The following MEOX2 variants were observed in gnomAD, a reference collection of about 807,000 sequenced individuals.
MEOX2 encodes the protein mesenchyme homeobox 2, also known as homeobox protein MOX-2.
A neutral mutation model predicts 27.0 loss-of-function variants in MEOX2; 11 were observed. The ratio of observed to expected loss-of-function variants is 0.41; its 90% confidence interval spans 0.26 to 0.68. The LOEUF is 0.68. Ranked by LOEUF, MEOX2 falls within the 30% of genes least tolerant of loss-of-function variation. MEOX2 has a pLI of 0.33. For synonymous variants in MEOX2, 189 were observed against 155.4 expected, an observed-to-expected ratio of 1.22 and a Z score of -1.61; for missense variants, 436 against 385.4, an observed-to-expected ratio of 1.13 and a Z score of -1.10.
intron 1 of MEOX2, among the ~76,000 whole-genome samples, chr7:15,668,971 A>G (rs1288825169): frequency 2.0e-5 from 3 of 152,202 alleles, no homozygotes. Flanking sequence ...TTAAAACATC[A>G]TCTCTTACCT....
intron 1 of MEOX2, chr7:15,680,723 T>A (rs1328574307): frequency 6.6e-6 from 1 of 151,940 alleles, no homozygotes; most frequent in Non-Finnish European, 1.5e-5. Context: ...TATTAACATC[T>A]AAAGCACATG....
chr7:15,683,252 G>C (rs1182723216), intron 1 of MEOX2, among the ~76,000 whole-genome samples: 1 of 151,970 alleles, frequency 6.6e-6, no homozygotes, highest in Non-Finnish European at 1.5e-5. Context: ...CTAAGTATTA[G>C]ATGCAGGGAT....
chr7:15,658,476 T>G (rs1781860130), intron 1 of MEOX2, among the ~76,000 whole-genome samples: 1 of 152,170 alleles, frequency 6.6e-6, no homozygotes, highest in Non-Finnish European at 1.5e-5. Flanking sequence ...ATTTTTTGTG[T>G]GTATATATTG....
intron 1 of MEOX2, among the ~76,000 whole-genome samples, chr7:15,627,561 G>A (rs906765611): frequency 6.6e-6 from 1 of 151,880 alleles, no homozygotes; most frequent in Non-Finnish European, 1.5e-5. Context: ...GTTTTTAAAT[G>A]TGTTTTTCAT....
rs776021075 is a variant in MEOX2, at chr7:15,686,365, T to A, written c.38A>T (p.His13Leu). 3 of 1,589,492 alleles carry A rather than the reference T, an allele frequency of 1.9e-6. No individual in the cohort carries two copies. The African/African-American group carries it at 4.0e-5, about 21-fold the overall frequency. The change falls in exon 1 of 3, where the codon CAC (histidine) becomes CTC (leucine). Residue 13 changes from histidine (H) to leucine (L), a missense_variant. Transcript: ENST00000262041. ...CGGGTGCAAGCCTTGCGCCGTGGCG[T>A]GAGGGCTGCGCAGGCAGCCAAAGAG... ...HPLFGCLRSP[H>L]ATAQGLHPFS...
intron 2 of MEOX2, among the ~76,000 whole-genome samples, chr7:15,618,822 C>T (rs1164650590): frequency 6.6e-6 from 1 of 151,658 alleles, no homozygotes; most frequent in East Asian, 1.9e-4. Flanking sequence ...ATTATATAAA[C>T]TTATAAAATT....
At chr7:15,647,486 C>A (rs2115374697) in intron 1 of MEOX2, among the ~76,000 whole-genome samples, 1 of 152,158 alleles carries the variant, frequency 6.6e-6, no homozygotes, top group South Asian at 2.1e-4. Context: ...GGTTCAATTT[C>A]TTTGTCTTCT....
intron 1 of MEOX2, among the ~76,000 whole-genome samples, chr7:15,667,033 T>A (rs937389554): frequency 4.6e-5 from 7 of 150,702 alleles, no homozygotes; most frequent in African/African-American, 1.7e-4. Flanking sequence ...GGCTCACACC[T>A]GTAATCCCAG....
At chr7:15,652,944 G>A (rs1331879336) in intron 1 of MEOX2, among the ~76,000 whole-genome samples, 1 of 151,966 alleles carries the variant, frequency 6.6e-6, no homozygotes, top group Non-Finnish European at 1.5e-5. Flanking sequence ...GGATATTCAT[G>A]CACAGATATT....
chr7:15,681,189 G>A (rs1782286874), intron 1 of MEOX2: 1 of 151,730 alleles, frequency 6.6e-6, no homozygotes, highest in African/African-American at 2.4e-5. Context: ...AGCAGTGCTT[G>A]GAAAAGAGAT....
At chr7:15,676,291 G>T (rs1047553697) in intron 1 of MEOX2, 3 of 152,104 alleles carry the variant, frequency 2.0e-5, no homozygotes, top group African/African-American at 7.2e-5. Flanking sequence ...ATAAAATTCT[G>T]TTCATGCATT....
At position 15,627,060 on chromosome 7, in the gene MEOX2, A is replaced by G. The variant is rs565566970; in HGVS notation, c.518-142T>C. Reference sequence around the variant, plus strand: ...ATAGAGACCAAAGACAGCAAGACTGACGGCAGCTCAACGGGGGGAGATATA... The same window carrying G: ...ATAGAGACCAAAGACAGCAAGACTGGCGGCAGCTCAACGGGGGGAGATATA... On this transcript the variant is annotated intron_variant, in intron 1 of 2. Coordinates refer to ENST00000262041, the MANE Select transcript of MEOX2 (RefSeq NM_005924.5). The G allele has an allele frequency of 2.5e-5, 17 of 670,464 alleles. No individual in the cohort carries two copies. In the Admixed American group the frequency reaches 2.6e-4, roughly 10 times the overall value. The allele number at this position is 670,464 out of a possible 1,614,324, so 41.5% of individuals were successfully genotyped here.
At chr7:15,665,566 G>T (rs548958776) in intron 1 of MEOX2, among the ~76,000 whole-genome samples, 1 of 152,196 alleles carries the variant, frequency 6.6e-6, no homozygotes, top group African/African-American at 2.4e-5. Context: ...ACTCCAGAAT[G>T]GTCCAAATTA....
intron 2 of MEOX2, among the ~76,000 whole-genome samples, chr7:15,612,999 A>G (rs556637512): frequency 1.3e-5 from 2 of 152,356 alleles, no homozygotes; most frequent in Non-Finnish European, 2.9e-5. Context: ...TTTGACATCC[A>G]GCTGTCATTT....
chr7:15,614,317 G>C (rs1200822460), intron 2 of MEOX2, among the ~76,000 whole-genome samples: 1 of 152,054 alleles, frequency 6.6e-6, no homozygotes, highest in Admixed American at 6.6e-5. Flanking sequence ...AGGAGGCTAG[G>C]GTTGGAGGAT....
At chr7:15,637,834 A>G (rs966437891) in intron 1 of MEOX2, among the ~76,000 whole-genome samples, 8 of 152,000 alleles carry the variant, frequency 5.3e-5, no homozygotes, top group African/African-American at 1.7e-4. Context: ...CAGATTCCCC[A>G]TCTAAGAATC....
At chr7:15,650,793 T>A (rs1781721956) in intron 1 of MEOX2, among the ~76,000 whole-genome samples, 1 of 152,068 alleles carries the variant, frequency 6.6e-6, no homozygotes, top group Admixed American at 6.6e-5. Context: ...GAGTTGCTAT[T>A]AGCATGGAGG....
intron 1 of MEOX2, among the ~76,000 whole-genome samples, chr7:15,664,350 C>T (rs1202890054): frequency 2.0e-5 from 3 of 152,058 alleles, no homozygotes; most frequent in African/African-American, 4.8e-5. Context: ...TCTTACCTGA[C>T]CTTGTATTTC....
intron 2 of MEOX2, among the ~76,000 whole-genome samples, chr7:15,618,597 T>G (rs1029185335): frequency 1.3e-5 from 2 of 151,980 alleles, no homozygotes; most frequent in Non-Finnish European, 2.9e-5. Context: ...AATATTTAGC[T>G]GAAACAACGG....
Sources: gnomAD v4.1 joint callset for allele counts (sites outside exome capture counted in the v4.1 genomes callset) on GRCh38, gnomAD v4.1.1 for gene constraint, MANE v1.5 for transcripts, NCBI Gene and HGNC (gene_info 2026-07-23, HGNC 2026-07-21) for gene names.